Variants in NFAM1 observed in about 807,000 individuals in gnomAD.
NFAM1 encodes NFAT activating protein with ITAM motif 1, also known as NFAT activation molecule 1.
NFAM1 carries 17 observed loss-of-function variants against 29.0 expected under a neutral mutation model. That is an observed-to-expected ratio of 0.59 (90% confidence interval 0.40 to 0.88). NFAM1 has a LOEUF of 0.88. Among genes scored for constraint, NFAM1 ranks in the 40% least tolerant of loss-of-function variants. The pLI is 0.00. For synonymous variants in NFAM1, 175 were observed against 147.2 expected (o/e 1.19, Z -1.36); for missense variants, 324 against 344.6 (o/e 0.94, Z 0.47).
At chr22:42,436,924 A>G, upstream of NFAM1, 4 of 745,206 alleles carry the variant, frequency 5.4e-6, no homozygotes, top group Non-Finnish European at 6.6e-6. Context: ...CTCAGCTGAC[A>G]TATTTAGTGA....
chr22:42,386,305 T>C (rs1019615694), intron 5 of NFAM1, among the ~76,000 whole-genome samples: 15 of 151,552 alleles, frequency 9.9e-5, no homozygotes, highest in African/African-American at 3.6e-4. Context: ...ACCTGAGAAG[T>C]GGAGGTTGCA....
intron 4 of NFAM1, 62 bp downstream of exon 4, chr22:42,397,796 A>T (rs930611714): frequency 1.1e-6 from 1 of 926,080 alleles, no homozygotes; most frequent in Non-Finnish European, 1.8e-6. Context: ...AGACCCTGGT[A>T]CAAGACAGAC....
intron 1 of NFAM1, among the ~76,000 whole-genome samples, chr22:42,427,728 C>T (rs1029104943): frequency 1.3e-5 from 2 of 151,746 alleles, no homozygotes; most frequent in African/African-American, 2.4e-5. Context: ...GTGAAAGAAG[C>T]GGGTCACCGG....
chr22:42,401,548 C>T (rs1445563322), intron 3 of NFAM1, among the ~76,000 whole-genome samples: 6 of 151,982 alleles, frequency 3.9e-5, no homozygotes, highest in Non-Finnish European at 8.8e-5. Flanking sequence ...GGCAAGGGGT[C>T]CCGTGGAGGA....
In NFAM1 at chr22:42,422,725, CA is replaced by C. The variant is rs1262667715; in HGVS notation, c.121+9511del. ...CCTTTTATAGCCACCCCTGTACCCT[CA>C]AAGGGGCATCAGGATGGTGTGGAAG... On this transcript the variant is annotated intron_variant, in intron 1 of 5. Transcript: ENST00000329021. Among the ~76,000 whole-genome samples the C allele has an allele frequency of 5.3e-5, 8 of 152,258 alleles. No homozygotes were observed. In the East Asian group the frequency reaches 1.5e-3, roughly 29 times the overall value.
intron 4 of NFAM1, among the ~76,000 whole-genome samples, chr22:42,395,933 G>C (rs1461337808): frequency 6.8e-6 from 1 of 147,924 alleles, no homozygotes; most frequent in Non-Finnish European, 1.5e-5. Context: ...AGTGAAAATG[G>C]GGACAAAACC....
chr22:42,395,525 G>A (rs978217275), intron 4 of NFAM1, among the ~76,000 whole-genome samples: 1 of 150,850 alleles, frequency 6.6e-6, no homozygotes, highest in African/African-American at 2.4e-5. Flanking sequence ...ATAAAATAAT[G>A]AGGATTGGAA....
rs35045065 is a variant in NFAM1 at position 42,402,831 on chromosome 22, CTTTTTTTT to C, written c.565-4883_565-4876del. On this transcript the variant is annotated intron_variant, in intron 3 of 5. Coordinates refer to ENST00000329021, the MANE Select transcript of NFAM1 (RefSeq NM_145912.8). ...ACCCACACCGGTCCCTCTGTGCCTT[CTTTTTTTT>C]TTTTTTTTTTTTTTGAGATGGAGTT... Among the ~76,000 whole-genome samples, 8 of 97,120 alleles carry C rather than the reference CTTTTTTTT, an allele frequency of 8.2e-5. No homozygotes were observed. In the East Asian group the frequency reaches 2.3e-3, roughly 28 times the overall value. The allele number at this position is 97,120 out of a possible 152,430, so 63.7% of individuals were successfully genotyped here.
chr22:42,424,214 G>A (rs1425104321), intron 1 of NFAM1, among the ~76,000 whole-genome samples: 1 of 152,178 alleles, frequency 6.6e-6, no homozygotes, highest in East Asian at 1.9e-4. Flanking sequence ...AGGAGATTGA[G>A]ACCATCCTGG....
In NFAM1 at chr22:42,388,767, G is replaced by A. The variant is rs541623494; in HGVS notation, c.664-1689C>T. Among the ~76,000 whole-genome samples, 1 of 152,334 alleles carries A rather than the reference G, an allele frequency of 6.6e-6. No individual in the cohort carries two copies. Among genetic ancestry groups the A allele is most frequent in the African/African-American group, 2.4e-5 (1 of 41,566 alleles). On this transcript the variant is annotated intron_variant, in intron 4 of 5. Transcript: ENST00000329021. This position sits in a 1 kb window ranked among gnomAD's most constrained non-coding sequence, Gnocchi z 4.1. ...AGGGCATCAGACATGGGGATGGTGGGGCGGCCCTGAGGACGAGTTCAAGGG... is the reference window on the plus strand; with the variant it reads ...AGGGCATCAGACATGGGGATGGTGGAGCGGCCCTGAGGACGAGTTCAAGGG...
chr22:42,422,981 C>T (rs1342847558), intron 1 of NFAM1, among the ~76,000 whole-genome samples: 1 of 151,948 alleles, frequency 6.6e-6, no homozygotes, highest in Non-Finnish European at 1.5e-5. Flanking sequence ...TGCGTGGTGG[C>T]GGGCGCCTGT....
chr22:42,408,667 T>C (rs913169119), intron 3 of NFAM1, among the ~76,000 whole-genome samples: 3 of 152,230 alleles, frequency 2.0e-5, no homozygotes, highest in Non-Finnish European at 4.4e-5. Flanking sequence ...TCTGGCCTCC[T>C]GGCACTTGCT....
rs994466899 is a variant in NFAM1, at chr22:42,389,038, C to A, written c.664-1960G>T. On this transcript the variant is annotated intron_variant, in intron 4 of 5. Coordinates refer to ENST00000329021, the MANE Select transcript of NFAM1 (RefSeq NM_145912.8). ...CCCCAACCCTCCACCCACCCAGGCC[C>A]AGACCCCTTCTAAGTCTCACAGATC... Among the ~76,000 whole-genome samples the A allele has an allele frequency of 2.0e-5, 3 of 152,164 alleles. No individual in the cohort carries two copies. In the East Asian group the frequency reaches 5.8e-4, roughly 29 times the overall value.
At chr22:42,386,372 T>C (rs1458023868) in intron 5 of NFAM1, among the ~76,000 whole-genome samples, 2 of 145,792 alleles carry the variant, frequency 1.4e-5, no homozygotes, top group Non-Finnish European at 3.0e-5. Context: ...AGACTCTGTC[T>C]CAAAACAAAA....
At chr22:42,414,187 G>A (rs941862956) in intron 1 of NFAM1, among the ~76,000 whole-genome samples, 1 of 152,146 alleles carries the variant, frequency 6.6e-6, no homozygotes, top group African/African-American at 2.4e-5. Context: ...TTGACATAAC[G>A]ACACTCGCTT....
At chr22:42,413,931 G>A (rs1930175558) in intron 1 of NFAM1, among the ~76,000 whole-genome samples, 2 of 152,204 alleles carry the variant, frequency 1.3e-5, no homozygotes, top group Non-Finnish European at 2.9e-5. Context: ...GTGGGCACCT[G>A]TAATCCCAGC....
At chr22:42,418,354 C>T (rs1237747499) in intron 1 of NFAM1, among the ~76,000 whole-genome samples, 1 of 152,168 alleles carries the variant, frequency 6.6e-6, no homozygotes, top group Admixed American at 6.5e-5. Flanking sequence ...TGCCTTTCCC[C>T]AGGGACAAGA....
At chr22:42,408,629 G>A (rs1454551622) in intron 3 of NFAM1, among the ~76,000 whole-genome samples, 1 of 152,282 alleles carries the variant, frequency 6.6e-6, no homozygotes, top group African/African-American at 2.4e-5. Context: ...TGCTGGGCAA[G>A]GAGCCCCTGA....
chr22:42,410,517 G>T (rs1225070537), intron 2 of NFAM1: 1 of 347,648 alleles, frequency 2.9e-6, no homozygotes, highest in South Asian at 2.1e-5. Context: ...AAAGTAGCCA[G>T]GTGTGGTGGT....
Sources: allele counts gnomAD v4.1 joint callset (sites outside exome capture counted in the v4.1 genomes callset), GRCh38; gene constraint gnomAD v4.1.1; non-coding constraint Gnocchi (gnomAD v3.1); transcripts MANE v1.5; gene names NCBI Gene and HGNC (gene_info 2026-07-23, HGNC 2026-07-21).